The following DPP6 variants were observed in gnomAD, a reference collection of about 807,000 sequenced individuals.
DPP6 encodes A-type potassium channel modulatory protein DPP6.
A neutral mutation model predicts 122.6 loss-of-function variants in DPP6; 69 were observed. That is an observed-to-expected ratio of 0.56 (90% CI 0.46 to 0.69). The LOEUF is 0.69. Ranked by LOEUF, DPP6 falls within the 30% of genes least tolerant of loss-of-function variation. DPP6 has a pLI of 0.00. For synonymous variants in DPP6, 418 were observed against 433.1 expected (o/e 0.97, Z 0.43); for missense variants, 928 against 1,116.9 (o/e 0.83, Z 2.41).
At chr7:153,986,138 T>C (rs549814181) in intron 1 of DPP6, among the ~76,000 whole-genome samples, 1 of 152,380 alleles carries the variant, frequency 6.6e-6, no homozygotes, top group East Asian at 1.9e-4. Context: ...ACATCCCTTC[T>C]GATGAAATTC....
intron 6 of DPP6, among the ~76,000 whole-genome samples, chr7:154,644,119 T>C (rs375515589): frequency 6.6e-6 from 1 of 152,186 alleles, no homozygotes; most frequent in Admixed American, 6.5e-5. Flanking sequence ...TATTGGTCTT[T>C]ACAATAAGAA....
At chr7:153,814,651 A>G in the DPP6 span, among the ~76,000 whole-genome samples, 2 of 152,190 alleles carry the variant, frequency 1.3e-5, no homozygotes, top group South Asian at 2.1e-4. Context: ...CAGAGACACA[A>G]CCAAAAAGGA....
At chr7:154,551,509 C>T (rs140250737) in intron 4 of DPP6, among the ~76,000 whole-genome samples, 44 of 152,156 alleles carry the variant, frequency 2.9e-4, no homozygotes, top group East Asian at 2.7e-3. Context: ...CATTTTAATA[C>T]GAGTGGCTGA....
In DPP6 at chr7:154,063,200, TG is replaced by T. The variant is rs1278317445; in HGVS notation, c.243+10141del. 2.0e-4 allele frequency among the ~76,000 whole-genome samples: 13 copies of T among 66,170 alleles called. 1 individual carries two copies. Among genetic ancestry groups the T allele is most frequent in the African/African-American group, 8.2e-4 (13 of 15,782 alleles). The allele number at this position is 66,170 out of a possible 152,430, so 43.4% of individuals were successfully genotyped here. A position where few individuals can be genotyped will look rare whatever the true frequency, so the allele number is the denominator to read the frequency against. On this transcript the variant is annotated intron_variant, in intron 1 of 25. Coordinates refer to ENST00000377770, the MANE Select transcript of DPP6 (RefSeq NM_130797.4). ...GCTGTTAGTACCCCCATCGCAGGGTTGGGGAGGCACCCCCCCGCGAGGCAGG... is the reference window on the plus strand; with the variant it reads ...GCTGTTAGTACCCCCATCGCAGGGTTGGGAGGCACCCCCCCGCGAGGCAGG...
At chr7:154,723,889 G>A (rs764929645) in intron 7 of DPP6, among the ~76,000 whole-genome samples, 2 of 152,184 alleles carry the variant, frequency 1.3e-5, no homozygotes, top group Non-Finnish European at 2.9e-5. Context: ...AGTCTGGGCT[G>A]CATCAGTTTG....
chr7:154,271,387 C>T (rs751454395), intron 1 of DPP6, among the ~76,000 whole-genome samples: 9 of 152,136 alleles, frequency 5.9e-5, no homozygotes, highest in Non-Finnish European at 1.2e-4. Flanking sequence ...TGAAATCAGA[C>T]GTGGGCAGGT....
intron 2 of DPP6, among the ~76,000 whole-genome samples, chr7:154,471,973 A>T (rs938806865): frequency 6.6e-6 from 1 of 152,154 alleles, no homozygotes; most frequent in Non-Finnish European, 1.5e-5. Context: ...CAAGTAGGAG[A>T]TTGAACTGAA....
chr7:154,700,492 G>T (rs768773613), intron 7 of DPP6, among the ~76,000 whole-genome samples: 1 of 152,200 alleles, frequency 6.6e-6, no homozygotes, highest in Non-Finnish European at 1.5e-5. Context: ...GTTGGGCCTG[G>T]AGCATTTTAG....
At chr7:153,897,965 A>G (rs1218298244) in intron 1 of DPP6, among the ~76,000 whole-genome samples, 2 of 152,214 alleles carry the variant, frequency 1.3e-5, no homozygotes, top group Non-Finnish European at 2.9e-5. Context: ...AGCTGTGTGG[A>G]TAAGGAGCAA....
rs1796109537 is a variant in DPP6, at chr7:154,769,504, C to T, written c.971C>T (p.Pro324Leu). Residue 324 changes from proline to leucine, a missense_variant, in exon 9 of 26, where the codon CCC (proline) becomes CTC (leucine). By Grantham distance (98) the Pro-to-Leu change is moderately conservative (BLOSUM62 -3). Transcript: ENST00000377770. Reference protein sequence around the residue: ...AYAAINDSRVPIMELPTYTGS... With the variant: ...AYAAINDSRVLIMELPTYTGS... ...GCCGCCATCAATGATTCCCGTGTCC[C>T]CATCATGGAGCTCCCAACTTACACC... The T allele has an allele frequency of 1.2e-6, 2 of 1,613,658 alleles. No homozygotes were observed. The highest frequency in any genetic ancestry group is 1.7e-6 in the Non-Finnish European group (2 of 1,179,780).
the DPP6 span, among the ~76,000 whole-genome samples, chr7:153,837,862 T>TTTTC: frequency 6.8e-6 from 1 of 146,620 alleles, no homozygotes; most frequent in Admixed American, 6.8e-5. Context: ...TTTTTTTTTT[T>TTTTC]AGTAGAGATG....
At chr7:154,146,709 A>T (rs921022921) in intron 1 of DPP6, among the ~76,000 whole-genome samples, 1 of 152,258 alleles carries the variant, frequency 6.6e-6, no homozygotes, top group African/African-American at 2.4e-5. Flanking sequence ...TTGGTAGACA[A>T]GGGACAGAAG....
At chr7:153,927,667 A>G (rs1282195944) in intron 1 of DPP6, among the ~76,000 whole-genome samples, 3 of 152,206 alleles carry the variant, frequency 2.0e-5, no homozygotes, top group Non-Finnish European at 4.4e-5. Flanking sequence ...GATGAGTTAG[A>G]AAATATGGAG....
intron 1 of DPP6, among the ~76,000 whole-genome samples, chr7:154,319,763 T>G (rs992947176): frequency 6.6e-6 from 1 of 151,506 alleles, no homozygotes; most frequent in Non-Finnish European, 1.5e-5. Flanking sequence ...GATGCTGAGG[T>G]GGGCAGATCA....
intron 1 of DPP6, among the ~76,000 whole-genome samples, chr7:154,259,409 T>C (rs917948395): frequency 6.6e-6 from 1 of 152,170 alleles, no homozygotes; most frequent in East Asian, 1.9e-4. Flanking sequence ...CAAACTAATA[T>C]GCAGGTGTTT....
intron 1 of DPP6, among the ~76,000 whole-genome samples, chr7:153,934,164 T>C (rs1172436882): frequency 1.3e-5 from 2 of 152,126 alleles, no homozygotes; most frequent in Non-Finnish European, 2.9e-5. Flanking sequence ...GCTCCCCTCA[T>C]CTAATTTGAA....
intron 19 of DPP6, among the ~76,000 whole-genome samples, chr7:154,874,403 G>T (rs34964423): frequency 0.15 from 23,561 of 152,076 alleles, 2,176 homozygotes; most frequent in East Asian, 0.5. Context: ...CCACCCCCTG[G>T]GTGCACACTC....
chr7:154,828,628 G>A (rs943351922), intron 16 of DPP6, among the ~76,000 whole-genome samples: 6 of 152,212 alleles, frequency 3.9e-5, no homozygotes, highest in African/African-American at 1.4e-4. Flanking sequence ...GATAGAATGT[G>A]TACATGTTCT....
chr7:154,043,128 C>A (rs1799846394), intron 1 of DPP6, among the ~76,000 whole-genome samples: 1 of 152,034 alleles, frequency 6.6e-6, no homozygotes, highest in Non-Finnish European at 1.5e-5. Flanking sequence ...TGGCTCACGT[C>A]TGTAATCCCA....
Sources: allele counts gnomAD v4.1 joint callset (sites outside exome capture counted in the v4.1 genomes callset), GRCh38; gene constraint gnomAD v4.1.1; transcripts MANE v1.5; gene names NCBI Gene and HGNC (gene_info 2026-07-23, HGNC 2026-07-21).